Variants in AXDND1 observed in about 807,000 individuals in gnomAD.
AXDND1 encodes the protein axonemal dynein light chain domain containing 1.
AXDND1 carries 110 observed loss-of-function variants against 137.5 expected under a neutral mutation model. The observed-to-expected ratio is 0.80, with a 90% confidence interval of 0.69 to 0.94. The LOEUF (loss-of-function observed/expected upper bound fraction) is 0.94, where lower values mean the gene tolerates loss of function less well. AXDND1 is among the 40% of genes least tolerant of loss of function. The pLI, the probability that AXDND1 is intolerant of heterozygous loss-of-function variation, is 0.00. For synonymous variants in AXDND1, 414 were observed against 399.7 expected, an observed-to-expected ratio of 1.04 and a Z score of -0.43; for missense variants, 1,191 against 1,169.8, an observed-to-expected ratio of 1.02 and a Z score of -0.26.
chr1:179,452,407 C>CATTTTCTGAGGAGAAATTCAAGCTG (rs1558198584), intron 16 of AXDND1: 41 of 151,784 alleles, frequency 2.7e-4, no homozygotes, highest in African/African-American at 8.8e-4. Flanking sequence ...AAGAAAATCC[C>CATTTTCTGAGGAGAAATTCAAGCTG]GCCGGGCGCG....
rs543644112 is a variant in AXDND1 at position 179,414,196 on chromosome 1, C to CA, written c.1230+2939dup. Among the ~76,000 whole-genome samples the CA allele has an allele frequency of 2.9e-3, 185 of 64,840 alleles. 2 individuals are homozygous for CA. The highest frequency in any genetic ancestry group is 8.0e-3 in the African/African-American group (171 of 21,386). The allele number at this position is 64,840 out of a possible 152,430, so 42.5% of individuals were successfully genotyped here. ...AAGGTTGATGAATACAAGATAAATA[C>CA]AAAAAAAAACCCAACGTATTACCTA... On this transcript the variant is annotated intron_variant, in intron 12 of 25. Coordinates refer to ENST00000367618, the MANE Select transcript of AXDND1 (RefSeq NM_144696.6).
intron 11 of AXDND1, among the ~76,000 whole-genome samples, chr1:179,395,950 C>T (rs1029319596): frequency 1.3e-5 from 2 of 151,578 alleles, no homozygotes; most frequent in Admixed American, 6.6e-5. Context: ...AGGTGGATCA[C>T]CTGAGGTTGA....
chr1:179,502,562 TAAAA>T (rs35740934), intron 20 of AXDND1, among the ~76,000 whole-genome samples: 14 of 81,078 alleles, frequency 1.7e-4, no homozygotes, highest in Admixed American at 3.3e-4. Flanking sequence ...AAACTCTGTC[TAAAA>T]AAAAAAAAAA....
chr1:179,411,106 G>T, intron 11 of AXDND1, 40 bp from the exon 12 acceptor site: 1 of 1,451,378 alleles, frequency 6.9e-7, no homozygotes, highest in East Asian at 2.4e-5. Context: ...TATATTGTTA[G>T]TATAAATTAA....
At chr1:179,471,428 GT>G (rs1485692599) in intron 17 of AXDND1, among the ~76,000 whole-genome samples, 2 of 152,118 alleles carry the variant, frequency 1.3e-5, no homozygotes, top group Non-Finnish European at 2.9e-5. Context: ...TATTGAATCA[GT>G]TTTTTGTGTG....
intron 21 of AXDND1, among the ~76,000 whole-genome samples, chr1:179,522,867 C>T (rs894448659): frequency 1.1e-4 from 12 of 106,490 alleles, no homozygotes; most frequent in East Asian, 6.1e-4. Flanking sequence ...CTATACTGTA[C>T]ACATATTTCT....
chr1:179,444,053 AT>A (rs68061206), intron 15 of AXDND1, among the ~76,000 whole-genome samples: 16,196 of 145,924 alleles, frequency 0.11, 943 homozygotes, highest in African/African-American at 0.15. Flanking sequence ...AGTTTAGTGA[AT>A]TTTTTTTTTT....
Position 179,370,083 on chromosome 1 carries a change from A to T in AXDND1, c.374+5A>T, listed in dbSNP as rs766286937. ...CTCCCTCACAGGAGCTGGAAGGTAA[A>T]GAAGGAAGATAGTAGGATAGATGCT... On this transcript the variant is annotated splice_donor_5th_base_variant and intron_variant, in intron 4 of 25. Transcript: ENST00000367618. 1 of 1,597,784 alleles carries T rather than the reference A, an allele frequency of 6.3e-7. No individual in the cohort carries two copies. Among genetic ancestry groups the T allele is most frequent in the Admixed American group, 1.7e-5 (1 of 59,758 alleles).
intron 25 of AXDND1, among the ~76,000 whole-genome samples, chr1:179,553,063 A>G (rs1426437306): frequency 6.6e-6 from 1 of 152,260 alleles, no homozygotes; most frequent in Non-Finnish European, 1.5e-5. Flanking sequence ...CCAAGTTTAT[A>G]AAAGAGAAGA....
chr1:179,510,264 T>C lies in AXDND1; in HGVS notation c.2496+861T>C, dbSNP rs928148407. 3.3e-5 allele frequency among the ~76,000 whole-genome samples: 5 copies of C among 152,170 alleles called. No individual in the cohort carries two copies. In the East Asian group the frequency reaches 5.8e-4, roughly 18 times the overall value. ...GAGAATCTCAAATCAGTGACTATCA[T>C]GTGCCATCACAAACTCAACTCTTGT... is the stretch of plus-strand genomic sequence containing the variant. On this transcript the variant is annotated intron_variant, in intron 21 of 25. Transcript: ENST00000367618.
At chr1:179,479,618 A>G (rs901594068) in intron 17 of AXDND1, among the ~76,000 whole-genome samples, 4 of 151,550 alleles carry the variant, frequency 2.6e-5, no homozygotes, top group Non-Finnish European at 5.9e-5. Context: ...TCCACTAAAA[A>G]TACAAAAAAT....
At chr1:179,535,506 T>G (rs4652409) in intron 25 of AXDND1, among the ~76,000 whole-genome samples, 48,272 of 150,792 alleles carry the variant, frequency 0.32, 8,307 homozygotes, top group Middle Eastern at 0.43. Flanking sequence ...AGTTTGCTGA[T>G]AATGATGGTT....
chr1:179,488,645 T>G (rs751265747), intron 18 of AXDND1, among the ~76,000 whole-genome samples: 1 of 70,350 alleles, frequency 1.4e-5, no homozygotes, highest in Non-Finnish European at 2.9e-5. Flanking sequence ...CTTTCTTTCT[T>G]TCTTTCTTTC....
chr1:179,446,836 T>A (rs1025892614), intron 16 of AXDND1, among the ~76,000 whole-genome samples: 2 of 151,580 alleles, frequency 1.3e-5, no homozygotes, highest in African/African-American at 2.4e-5. Context: ...TTTTTTTTTT[T>A]AAACAGAATA....
intron 16 of AXDND1, chr1:179,454,896 C>T (rs955940223): frequency 6.6e-6 from 1 of 151,914 alleles, no homozygotes; most frequent in Non-Finnish European, 1.5e-5. Flanking sequence ...TGGTTTGAGA[C>T]CATCTTGGCT....
intron 17 of AXDND1, among the ~76,000 whole-genome samples, chr1:179,475,807 A>C (rs1270819702): frequency 1.3e-5 from 2 of 152,170 alleles, no homozygotes; most frequent in Non-Finnish European, 2.9e-5. Context: ...GGGCAGAATA[A>C]TATGCTTTGG....
intron 9 of AXDND1, among the ~76,000 whole-genome samples, chr1:179,393,347 C>A (rs111634101): frequency 6.6e-6 from 1 of 152,128 alleles, no homozygotes; most frequent in African/African-American, 2.4e-5. Flanking sequence ...TATACCCGTA[C>A]CATGCTGTTT....
At chr1:179,366,977 T>C (rs1667487895) in intron 2 of AXDND1, among the ~76,000 whole-genome samples, 1 of 151,714 alleles carries the variant, frequency 6.6e-6, no homozygotes, top group African/African-American at 2.4e-5. Context: ...CCCAGCACTT[T>C]GGGAGGCCGA....
At chr1:179,470,501 A>G (rs1376986291) in intron 17 of AXDND1, among the ~76,000 whole-genome samples, 2 of 152,128 alleles carry the variant, frequency 1.3e-5, no homozygotes, top group Non-Finnish European at 2.9e-5. Flanking sequence ...TATAAGCTGT[A>G]CACTTCTTTT....
Sources: gnomAD v4.1 joint callset for allele counts (sites outside exome capture counted in the v4.1 genomes callset) on GRCh38, gnomAD v4.1.1 for gene constraint, MANE v1.5 for transcripts, NCBI Gene and HGNC (gene_info 2026-07-23, HGNC 2026-07-21) for gene names.